Variants in EXD3 observed in about 807,000 individuals in gnomAD.
The protein encoded by EXD3 is exonuclease 3'-5' domain containing 3.
A neutral mutation model predicts 98.0 loss-of-function variants in EXD3; 92 were observed. The observed-to-expected ratio is 0.94, with a 90% CI of 0.79 to 1.12. The LOEUF (loss-of-function observed/expected upper bound fraction) is 1.12. Among genes scored for constraint, EXD3 ranks in the 50% most tolerant of loss-of-function variants. EXD3 has a pLI of 0.00. For synonymous variants in EXD3, 569 were observed against 526.0 expected (o/e 1.08, Z -1.12); for missense variants, 1,222 against 1,191.6 (o/e 1.03, Z -0.38).
At chr9:137,333,754 G>C (rs887093623) in intron 17 of EXD3, among the ~76,000 whole-genome samples, 1 of 152,174 alleles carries the variant, frequency 6.6e-6, no homozygotes, top group African/African-American at 2.4e-5. Flanking sequence ...CCAGTGATAC[G>C]GTTCCTGTAC....
chr9:137,398,940 C>T (rs1408587985), intron 1 of EXD3, among the ~76,000 whole-genome samples: 4 of 151,866 alleles, frequency 2.6e-5, no homozygotes, highest in Non-Finnish European at 5.9e-5. Flanking sequence ...ACATGTGCAC[C>T]CGCGTCCCCA....
At chr9:137,391,401 G>A (rs1465061109) in intron 2 of EXD3, among the ~76,000 whole-genome samples, 1 of 152,242 alleles carries the variant, frequency 6.6e-6, no homozygotes, top group East Asian at 1.9e-4. Flanking sequence ...GGCCCAAGCT[G>A]TAGGGCATGG....
rs1016864106 is a variant in EXD3, at chr9:137,371,516, A to T, written c.462+1389T>A. Among the ~76,000 whole-genome samples, 3 of 151,962 alleles carry T rather than the reference A, an allele frequency of 2.0e-5. No homozygotes were observed. Among genetic ancestry groups the T allele is most frequent in the Non-Finnish European group, 4.4e-5 (3 of 67,940 alleles). ...AAGAGGAACCCAGGGTGCCATCGGG[A>T]CGGCGTCTCAGCAGCAGGGTCCCAC... On this transcript the variant is annotated intron_variant, in intron 5 of 21. Transcript: ENST00000340951. The surrounding 1 kb of genome is among the most constrained non-coding windows in gnomAD (Gnocchi z 8.0).
intron 17 of EXD3, among the ~76,000 whole-genome samples, chr9:137,331,411 C>A (rs991017366): frequency 6.6e-6 from 1 of 151,990 alleles, no homozygotes; most frequent in Non-Finnish European, 1.5e-5. Flanking sequence ...AAAGTCCTGA[C>A]CAGAACTATC....
At chr9:137,421,313 C>T (rs1203141124) in intron 1 of EXD3, among the ~76,000 whole-genome samples, 3 of 152,190 alleles carry the variant, frequency 2.0e-5, no homozygotes, top group Non-Finnish European at 4.4e-5. Context: ...GGCCAATCAC[C>T]ACTGTTGTAC....
chr9:137,417,196 C>T (rs532856797), intron 1 of EXD3, among the ~76,000 whole-genome samples: 30 of 152,312 alleles, frequency 2.0e-4, no homozygotes, highest in African/African-American at 6.5e-4. Flanking sequence ...GTGGGAGACA[C>T]ACGGGTCTGG....
intron 17 of EXD3, among the ~76,000 whole-genome samples, chr9:137,330,245 G>T (rs538104986): frequency 7.3e-6 from 1 of 137,688 alleles, no homozygotes; most frequent in Non-Finnish European, 1.5e-5. Context: ...CTACACAGGA[G>T]CTACACAGGG....
At chr9:137,316,674 C>T (rs1167885250) in intron 19 of EXD3, among the ~76,000 whole-genome samples, 3 of 152,178 alleles carry the variant, frequency 2.0e-5, no homozygotes, top group Non-Finnish European at 2.9e-5. Context: ...CAGGGGGAGA[C>T]GGAGGCTGCT....
At chr9:137,352,282 A>T in intron 11 of EXD3, 81 bp from the exon 12 acceptor site, 2 of 1,577,024 alleles carry the variant, frequency 1.3e-6, no homozygotes, top group South Asian at 2.3e-5. Flanking sequence ...GGGAGCATTC[A>T]GGGCCTGTTT....
In EXD3 at chr9:137,395,155, G is replaced by A. The variant is rs1020880398; in HGVS notation, c.55+148C>T. On this transcript the variant is annotated intron_variant, in intron 2 of 21. Transcript: ENST00000340951. This position sits in a 1 kb window ranked among gnomAD's most constrained non-coding sequence, Gnocchi z 6.5. Reference sequence around the variant, plus strand: ...CTCCGGACTCACAAGGTCCCAAGCCGTGGACACTGTAGAGAGGCCCGCAGC... The same window carrying A: ...CTCCGGACTCACAAGGTCCCAAGCCATGGACACTGTAGAGAGGCCCGCAGC... 20 of 721,506 alleles carry A rather than the reference G, an allele frequency of 2.8e-5. No homozygotes were observed. The highest frequency in any genetic ancestry group is 1.1e-4 in the East Asian group (4 of 37,800). 44.7% of individuals were successfully genotyped at this position (721,506 alleles called of 1,614,324 possible).
intron 3 of EXD3, among the ~76,000 whole-genome samples, chr9:137,382,195 A>T (rs1363124040): frequency 1.3e-5 from 2 of 151,648 alleles, no homozygotes; most frequent in Admixed American, 6.6e-5. Context: ...CGCGCGGAGG[A>T]GGTGAGGGCA....
At chr9:137,318,827 G>A (rs1305297603) in intron 19 of EXD3, among the ~76,000 whole-genome samples, 5 of 152,208 alleles carry the variant, frequency 3.3e-5, no homozygotes, top group African/African-American at 4.8e-5. Flanking sequence ...CTGCTGAGTG[G>A]TGGGGCCGGC....
chr9:137,355,197 C>T (rs1217263941), intron 8 of EXD3, among the ~76,000 whole-genome samples: 2 of 152,152 alleles, frequency 1.3e-5, no homozygotes, highest in Non-Finnish European at 2.9e-5. Context: ...CGCACGTCCA[C>T]ACCCTCCGTC....
At chr9:137,381,667 C>T (rs539441038) in intron 3 of EXD3, among the ~76,000 whole-genome samples, 112 of 152,290 alleles carry the variant, frequency 7.4e-4, no homozygotes, top group African/African-American at 2.6e-3. Context: ...AGTCCCATTG[C>T]CCCCTTTATA....
At position 137,387,747 on chromosome 9, in the gene EXD3, G is replaced by C. The variant is rs888273081; in HGVS notation, c.56-4370C>G. On this transcript the variant is annotated intron_variant, in intron 2 of 21. Coordinates refer to ENST00000340951, the MANE Select transcript of EXD3 (RefSeq NM_017820.5). Reference sequence around the variant, plus strand: ...GAGGGACCTCCCAGACCCGCTCTCCGGCCCCAGAAGCCCCAGCCAGCCCTC... The same window carrying C: ...GAGGGACCTCCCAGACCCGCTCTCCCGCCCCAGAAGCCCCAGCCAGCCCTC... 7.2e-5 allele frequency among the ~76,000 whole-genome samples: 11 copies of C among 152,302 alleles called. No homozygotes were observed. In the South Asian group the frequency reaches 1.0e-3, roughly 14 times the overall value.
chr9:137,381,415 CA>C (rs61183889), intron 3 of EXD3, among the ~76,000 whole-genome samples: 347 of 50,828 alleles, frequency 6.8e-3, no homozygotes, highest in Middle Eastern at 0.011. Context: ...GACTCCTTCT[CA>C]AAAAAAAAAA....
chr9:137,374,625 G>A, intron 3 of EXD3: 1 of 985,486 alleles, frequency 1.0e-6, no homozygotes, highest in Non-Finnish European at 1.2e-6. Flanking sequence ...AGTGTGTGAG[G>A]AGACCTCAGC....
chr9:137,328,303 A>AACTAATATACT (rs1832601880), intron 17 of EXD3, among the ~76,000 whole-genome samples: 8 of 151,206 alleles, frequency 5.3e-5, no homozygotes, highest in African/African-American at 9.8e-5. Flanking sequence ...ACGAATAAAC[A>AACTAATATACT]CCCATATGAT....
rs1017416922 is a variant in EXD3 at position 137,366,714 on chromosome 9, C to G, written c.517-82G>C. 16 of 1,486,664 alleles carry G rather than the reference C, an allele frequency of 1.1e-5. No individual in the cohort carries two copies. The African/African-American group carries it at 1.4e-4, about 13-fold the overall frequency. The allele number at this position is 1,486,664 out of a possible 1,614,324, so 92.1% of individuals were successfully genotyped here. ...TCACCTCCAACCCAGAGGGAGCGGC[C>G]AAAGTGTCAGAACGAAAGGGGCCCA... is the stretch of plus-strand genomic sequence containing the variant. On this transcript the variant is annotated intron_variant, in intron 6 of 21. Coordinates refer to ENST00000340951, the MANE Select transcript of EXD3 (RefSeq NM_017820.5).
Sources: allele counts gnomAD v4.1 joint callset (sites outside exome capture counted in the v4.1 genomes callset), GRCh38; gene constraint gnomAD v4.1.1; non-coding constraint Gnocchi (gnomAD v3.1); transcripts MANE v1.5; gene names NCBI Gene and HGNC (gene_info 2026-07-23, HGNC 2026-07-21).